The following FAF1 variants were observed in gnomAD, a reference collection of about 807,000 sequenced individuals.
FAF1 encodes Fas associated factor 1.
FAF1 carries 25 observed loss-of-function variants against 92.5 expected under a neutral mutation model. The observed-to-expected ratio is 0.27, with a 90% confidence interval of 0.20 to 0.38. FAF1 has a LOEUF of 0.38. FAF1 is among the 10% of genes least tolerant of loss of function. The probability of loss-of-function intolerance (pLI) is 1.00; values close to 1 mark genes in which losing one functional copy is unlikely to be tolerated. For missense variants in FAF1, 636 were observed against 793.3 expected (o/e 0.80, Z 2.38); for synonymous variants, 234 against 273.2 (o/e 0.86, Z 1.42).
chr1:50,913,830 C>T lies in FAF1; in HGVS notation c.45+45937G>A, dbSNP rs146285557. Among the ~76,000 whole-genome samples, 27 of 152,310 alleles carry T rather than the reference C, an allele frequency of 1.8e-4. No homozygotes were observed. The East Asian group carries it at 5.0e-3, about 28-fold the overall frequency. On this transcript the variant is annotated intron_variant, in intron 1 of 18. Coordinates refer to ENST00000396153, the MANE Select transcript of FAF1 (RefSeq NM_007051.3). ...GAGCAGGAAGAACTTCCTAGACTTA[C>T]TATGGCCTGAGTAAACCATCCCCCA...
At chr1:50,449,489 C>CTTT (rs373425527) in intron 18 of FAF1, among the ~76,000 whole-genome samples, 5 of 124,578 alleles carry the variant, frequency 4.0e-5, no homozygotes, top group African/African-American at 6.3e-5. Context: ...CTTTTTCTTT[C>CTTT]TTTTTTTTTT....
chr1:50,589,361 T>A (rs529149635), intron 9 of FAF1, among the ~76,000 whole-genome samples: 1 of 152,014 alleles, frequency 6.6e-6, no homozygotes, highest in East Asian at 1.9e-4. Context: ...GAGGAGGGAT[T>A]CTAGACCCAA....
intron 17 of FAF1, among the ~76,000 whole-genome samples, chr1:50,488,688 T>A (rs1646795309): frequency 6.6e-6 from 1 of 152,206 alleles, no homozygotes; most frequent in Admixed American, 6.5e-5. Context: ...TTTATAGTCA[T>A]AAAGTCCTGG....
rs117250880 is a variant in FAF1 at position 50,664,751 on chromosome 1, G to A, written c.658-9223C>T. Among the ~76,000 whole-genome samples the A allele has an allele frequency of 5.4e-4, 82 of 152,330 alleles. 3 individuals are homozygous for A. The East Asian group carries it at 0.014, about 27-fold the overall frequency. On this transcript the variant is annotated intron_variant, in intron 7 of 18. Coordinates refer to ENST00000396153, the MANE Select transcript of FAF1 (RefSeq NM_007051.3). ...GGAGCTTGCAGAGAGTCGAGATCGCGCTACTGCACTCCAGACTGGGCGACA... is the reference window on the plus strand; with the variant it reads ...GGAGCTTGCAGAGAGTCGAGATCGCACTACTGCACTCCAGACTGGGCGACA...
chr1:50,479,781 T>C (rs1333910931), intron 17 of FAF1, among the ~76,000 whole-genome samples: 1 of 152,138 alleles, frequency 6.6e-6, no homozygotes, highest in Non-Finnish European at 1.5e-5. Context: ...CCAGGGCTTT[T>C]CCCCAGAAAG....
rs1293349773 is a variant in FAF1 at position 50,437,422 on chromosome 1, T to C, written c.*4018A>G. ...TTAAAGAGATGAGGTCTTACTCTGA[T>C]GCCTAGGCCAGAGTAGCAGTCGCAC... On this transcript the variant is annotated 3_prime_UTR_variant, in exon 19 of 19. Coordinates refer to ENST00000396153, the MANE Select transcript of FAF1 (RefSeq NM_007051.3). The C allele has an allele frequency of 6.6e-6, 1 of 151,670 alleles. No individual in the cohort carries two copies. The highest frequency in any genetic ancestry group is 1.5e-5 in the Non-Finnish European group (1 of 67,950). 9.4% of individuals were successfully genotyped at this position (151,670 alleles called of 1,614,324 possible).
At chr1:50,717,760 G>T (rs568123171) in intron 6 of FAF1, among the ~76,000 whole-genome samples, 1 of 152,296 alleles carries the variant, frequency 6.6e-6, no homozygotes, top group Non-Finnish European at 1.5e-5. Flanking sequence ...CCAGCACTTT[G>T]TGAGGCTGAG....
intron 3 of FAF1, among the ~76,000 whole-genome samples, chr1:50,790,367 C>T (rs1487952265): frequency 6.6e-6 from 1 of 152,060 alleles, no homozygotes; most frequent in African/African-American, 2.4e-5. Context: ...GGCTCGAACT[C>T]CTGACCTCAT....
chr1:50,626,009 G>A (rs1192512301), intron 8 of FAF1, among the ~76,000 whole-genome samples: 1 of 152,106 alleles, frequency 6.6e-6, no homozygotes, highest in Admixed American at 6.5e-5. Context: ...CAGATCAATA[G>A]ATCAAAAGAG....
chr1:50,888,196 T>G (rs1040222844), intron 1 of FAF1, among the ~76,000 whole-genome samples: 2 of 152,140 alleles, frequency 1.3e-5, no homozygotes, highest in African/African-American at 4.8e-5. Context: ...TTGGTGTATA[T>G]GAATGCTTGT....
chr1:50,779,979 C>CACAG (rs991016216), intron 4 of FAF1, among the ~76,000 whole-genome samples: 33 of 135,268 alleles, frequency 2.4e-4, no homozygotes, highest in South Asian at 4.8e-4. Flanking sequence ...AGCACACATG[C>CACAG]ACAGACAGAC....
intron 8 of FAF1, among the ~76,000 whole-genome samples, chr1:50,638,147 T>C (rs779608002): frequency 4.6e-5 from 7 of 152,224 alleles, no homozygotes; most frequent in Non-Finnish European, 7.3e-5. Flanking sequence ...TTTTTGTATA[T>C]TGATCTCATG....
At chr1:50,870,544 C>T (rs920890273) in intron 1 of FAF1, among the ~76,000 whole-genome samples, 4 of 152,236 alleles carry the variant, frequency 2.6e-5, no homozygotes, top group African/African-American at 9.6e-5. Context: ...ATAGTACACG[C>T]TAATTGCATG....
intron 8 of FAF1, among the ~76,000 whole-genome samples, chr1:50,598,353 T>A (rs900658432): frequency 6.7e-6 from 1 of 150,332 alleles, no homozygotes; most frequent in Non-Finnish European, 1.5e-5. Context: ...GTCCAGCTAC[T>A]AGGGAGGCTG....
rs1647268237 is a variant in FAF1, at chr1:50,517,637, T to C, written c.1494+17732A>G. Among the ~76,000 whole-genome samples the C allele has an allele frequency of 2.0e-5, 3 of 152,220 alleles. No homozygotes were observed. The South Asian group carries it at 6.2e-4, about 31-fold the overall frequency. On this transcript the variant is annotated intron_variant, in intron 15 of 18. Transcript: ENST00000396153. Reference sequence around the variant, plus strand: ...TGTGATACTAGTAGTCACTGTACTATATTTTGAGAACTCCCACACCAATGG... The same window carrying C: ...TGTGATACTAGTAGTCACTGTACTACATTTTGAGAACTCCCACACCAATGG...
At chr1:50,750,286 A>C (rs757687230) in intron 4 of FAF1, among the ~76,000 whole-genome samples, 60 of 152,246 alleles carry the variant, frequency 3.9e-4, no homozygotes, top group Non-Finnish European at 7.9e-4. Flanking sequence ...TATTTAAAAA[A>C]TTAACTTAAG....
intron 13 of FAF1, among the ~76,000 whole-genome samples, chr1:50,546,952 G>A (rs1443438279): frequency 2.0e-5 from 3 of 151,896 alleles, no homozygotes; most frequent in Non-Finnish European, 4.4e-5. Flanking sequence ...GCAGTGGTGT[G>A]ATATTGGCTC....
chr1:50,569,707 A>G (rs916939418), intron 12 of FAF1, among the ~76,000 whole-genome samples: 5 of 152,184 alleles, frequency 3.3e-5, no homozygotes, highest in Admixed American at 3.3e-4. Context: ...TATTTCTCTC[A>G]AGAACACTGC....
intron 8 of FAF1, among the ~76,000 whole-genome samples, chr1:50,641,110 G>T (rs563427875): frequency 3.3e-5 from 5 of 152,234 alleles, no homozygotes; most frequent in African/African-American, 1.2e-4. Flanking sequence ...GGGATTACAG[G>T]TGTGAGCCAT....
Sources: allele counts gnomAD v4.1 joint callset (sites outside exome capture counted in the v4.1 genomes callset), GRCh38; gene constraint gnomAD v4.1.1; transcripts MANE v1.5; gene names NCBI Gene and HGNC (gene_info 2026-07-23, HGNC 2026-07-21).